UTRN: variants seen among roughly 807,000 people sequenced by gnomAD.
UTRN encodes the protein utrophin.
UTRN carries 283 observed loss-of-function variants against 463.9 expected under a neutral mutation model. The ratio of observed to expected loss-of-function variants is 0.61; its 90% confidence interval spans 0.55 to 0.67. The LOEUF (loss-of-function observed/expected upper bound fraction) is 0.67, where lower values mean the gene tolerates loss of function less well. Ranked by LOEUF, UTRN falls within the 30% of genes least tolerant of loss-of-function variation. The probability of loss-of-function intolerance (pLI) is 0.00; values close to 1 mark genes in which losing one functional copy is unlikely to be tolerated. For synonymous variants in UTRN, 1,442 were observed against 1,431.5 expected (o/e 1.01, Z -0.17); for missense variants, 3,922 against 4,084.3 (o/e 0.96, Z 1.08).
At chr6:144,752,903 A>G (rs1217334136) in intron 56 of UTRN, among the ~76,000 whole-genome samples, 1 of 152,180 alleles carries the variant, frequency 6.6e-6, no homozygotes, top group Non-Finnish European at 1.5e-5. Flanking sequence ...ATCCTTATCT[A>G]TGATCCTGGT....
chr6:144,813,723 G>A (rs1286767156), intron 65 of UTRN, among the ~76,000 whole-genome samples: 1 of 152,210 alleles, frequency 6.6e-6, no homozygotes, highest in Non-Finnish European at 1.5e-5. Flanking sequence ...ACAAGGAAGT[G>A]AGGGTGCCTA....
At chr6:144,395,325 A>G (rs930832736) in intron 2 of UTRN, among the ~76,000 whole-genome samples, 1 of 152,110 alleles carries the variant, frequency 6.6e-6, no homozygotes, top group African/African-American at 2.4e-5. Flanking sequence ...AAGGTTTACA[A>G]TCTCTACCAC....
intron 53 of UTRN, among the ~76,000 whole-genome samples, chr6:144,701,354 A>C (rs1396950051): frequency 6.6e-6 from 1 of 151,920 alleles, no homozygotes; most frequent in Non-Finnish European, 1.5e-5. Flanking sequence ...TGAAGACCAT[A>C]CTATTTAAAA....
At chr6:144,519,018 A>G (rs1196583451) in intron 39 of UTRN, among the ~76,000 whole-genome samples, 1 of 152,204 alleles carries the variant, frequency 6.6e-6, no homozygotes, top group African/African-American at 2.4e-5. Flanking sequence ...ACATTTGTAG[A>G]TGATTTTAAT....
chr6:144,715,836 A>G (rs1404113451), intron 53 of UTRN, among the ~76,000 whole-genome samples: 5 of 150,374 alleles, frequency 3.3e-5, no homozygotes, highest in Non-Finnish European at 7.4e-5. Flanking sequence ...TGAAAGAGCT[A>G]TACCCAAGGG....
chr6:144,467,621 G>C (rs1790093108), intron 23 of UTRN, among the ~76,000 whole-genome samples: 1 of 152,112 alleles, frequency 6.6e-6, no homozygotes, highest in African/African-American at 2.4e-5. Flanking sequence ...TCTGGAGGGG[G>C]GCGTGCTGGA....
At chr6:144,733,390 G>A (rs1788983086) in intron 54 of UTRN, among the ~76,000 whole-genome samples, 1 of 151,910 alleles carries the variant, frequency 6.6e-6, no homozygotes, top group Non-Finnish European at 1.5e-5. Flanking sequence ...GGTGGTGCAT[G>A]CCTGCAGTCC....
At chr6:144,525,371 T>C (rs1050522498) in intron 41 of UTRN, among the ~76,000 whole-genome samples, 1 of 152,140 alleles carries the variant, frequency 6.6e-6, no homozygotes, top group African/African-American at 2.4e-5. Flanking sequence ...CTGCTTGTTA[T>C]TGGTCTGTTT....
At chr6:144,513,043 T>C (rs1795310506) in intron 35 of UTRN, among the ~76,000 whole-genome samples, 1 of 152,194 alleles carries the variant, frequency 6.6e-6, no homozygotes, top group South Asian at 2.1e-4. Context: ...CCAGTCATAA[T>C]CTGCTTAACT....
Position 144,704,398 on chromosome 6 carries a change from C to T in UTRN, c.7809+4155C>T, listed in dbSNP as rs116227219. On this transcript the variant is annotated intron_variant, in intron 53 of 74. Coordinates refer to ENST00000367545, the MANE Select transcript of UTRN (RefSeq NM_007124.3). ...GCTAGCTTTCTGCTAAATTAGTACTCGGTATAGATTAGCTGAATAAGTTGA... is the reference window on the plus strand; with the variant it reads ...GCTAGCTTTCTGCTAAATTAGTACTTGGTATAGATTAGCTGAATAAGTTGA... Among the ~76,000 whole-genome samples, 1,203 of 152,194 alleles carry T rather than the reference C, an allele frequency of 7.9e-3. 16 individuals carry two copies. Among genetic ancestry groups the T allele is most frequent in the African/African-American group, 0.027 (1,125 of 41,504 alleles).
rs9497038 is a variant in UTRN at position 144,673,166 on chromosome 6, G to A, written c.7480-5240G>A. 6.2e-3 allele frequency among the ~76,000 whole-genome samples: 937 copies of A among 152,212 alleles called. 6 individuals carry two copies. Among genetic ancestry groups the A allele is most frequent in the African/African-American group, 0.022 (904 of 41,550 alleles). On this transcript the variant is annotated intron_variant, in intron 51 of 74. Coordinates refer to ENST00000367545, the MANE Select transcript of UTRN (RefSeq NM_007124.3). ...ATATTCTGCAGTTGTTGGGTAGACT[G>A]TTCTGCAAATATCTGTTAAGCCCAT...
At chr6:144,680,318 A>G (rs1416678257) in intron 52 of UTRN, among the ~76,000 whole-genome samples, 1 of 152,188 alleles carries the variant, frequency 6.6e-6, no homozygotes, top group Non-Finnish European at 1.5e-5. Flanking sequence ...TTATTGCCTA[A>G]GCCTATCATG....
rs71797483 is a variant in UTRN, at chr6:144,510,251, GCTCT to G, written c.4765-688_4765-685del. Among the ~76,000 whole-genome samples, 39 of 152,218 alleles carry G rather than the reference GCTCT, an allele frequency of 2.6e-4. No homozygotes were observed. In the East Asian group the frequency reaches 7.3e-3, roughly 29 times the overall value. On this transcript the variant is annotated intron_variant, in intron 34 of 74. Coordinates refer to ENST00000367545, the MANE Select transcript of UTRN (RefSeq NM_007124.3). ...TTGTAGTTTTAATTGTGGAACTCAT[GCTCT>G]CTCTATAATTCTGTGACTATATACT...
chr6:144,802,840 A>G (rs989664986), intron 64 of UTRN, among the ~76,000 whole-genome samples, 196 bp from the exon 65 acceptor site: 1 of 152,146 alleles, frequency 6.6e-6, no homozygotes, highest in Non-Finnish European at 1.5e-5. Context: ...TTCGTATTCA[A>G]ACATTAAAAG....
chr6:144,344,353 A>C lies in UTRN; in HGVS notation c.79+52446A>C, dbSNP rs945895959. On this transcript the variant is annotated intron_variant, in intron 2 of 74. Coordinates refer to ENST00000367545, the MANE Select transcript of UTRN (RefSeq NM_007124.3). ...TCCCAGCCAGTGAGGTTTTCTTAAG[A>C]AACGTCTATGAAGACAGGGTTCTTT... The C allele has an allele frequency of 2.7e-5, 35 of 1,303,630 alleles. No homozygotes were observed. In the Admixed American group the frequency reaches 8.0e-4, roughly 30 times the overall value. 80.8% of individuals were successfully genotyped at this position (1,303,630 alleles called of 1,614,324 possible).
rs557364039 is a variant in UTRN, at chr6:144,742,947, A to C, written c.7940-5299A>C. 9.2e-5 allele frequency among the ~76,000 whole-genome samples: 14 copies of C among 152,352 alleles called. No homozygotes were observed. In the South Asian group the frequency reaches 1.7e-3, roughly 18 times the overall value. ...CAAATAGTATAAATAAGGTATTTGG[A>C]ATTACCATACCTGAAATGACTTTGT... On this transcript the variant is annotated intron_variant, in intron 54 of 74. Coordinates refer to ENST00000367545, the MANE Select transcript of UTRN (RefSeq NM_007124.3).
At position 144,754,730 on chromosome 6, in the gene UTRN, A is replaced by G; in HGVS notation, c.8366A>G (p.Asp2789Gly). ...TGTGTATGTGTGCAGGTTTCTGTGG[A>G]TGATCGCCTTAAACAGCTTCAGGAA... Reference protein sequence around the residue: ...MRWKLLQVSVDDRLKQLQEAH... With the variant: ...MRWKLLQVSVGDRLKQLQEAH... The change falls in exon 57 of 75, where the codon GAT (aspartate) becomes GGT (glycine). Residue 2789 changes from aspartate to glycine, a missense_variant. Physicochemically the swap from Asp to Gly is moderately conservative, Grantham distance 94. Coordinates refer to ENST00000367545, the MANE Select transcript of UTRN (RefSeq NM_007124.3). 1 of 1,613,432 alleles carries G rather than the reference A, an allele frequency of 6.2e-7. No individual in the cohort carries two copies. Among genetic ancestry groups the G allele is most frequent in the Non-Finnish European group, 8.5e-7 (1 of 1,179,670 alleles).
At chr6:144,770,703 G>A (rs1226372987) in intron 58 of UTRN, among the ~76,000 whole-genome samples, 1 of 152,086 alleles carries the variant, frequency 6.6e-6, no homozygotes, top group Non-Finnish European at 1.5e-5. Flanking sequence ...AATTAGTTTT[G>A]AAATTTACAG....
At chr6:144,384,676 T>G (rs1358482100) in intron 2 of UTRN, among the ~76,000 whole-genome samples, 3 of 152,214 alleles carry the variant, frequency 2.0e-5, no homozygotes, top group Admixed American at 1.3e-4. Context: ...TTTATGTGAC[T>G]GGCTGTGTCA....
Sources: allele counts gnomAD v4.1 joint callset (sites outside exome capture counted in the v4.1 genomes callset), GRCh38; gene constraint gnomAD v4.1.1; transcripts MANE v1.5; gene names NCBI Gene and HGNC (gene_info 2026-07-23, HGNC 2026-07-21).